The following SYT14 variants were observed in gnomAD, a reference collection of about 807,000 sequenced individuals.
SYT14 encodes the protein synaptotagmin 14.
A neutral mutation model predicts 74.2 loss-of-function variants in SYT14; 32 were observed. The ratio of observed to expected loss-of-function variants is 0.43; its 90% CI spans 0.33 to 0.58. The LOEUF (loss-of-function observed/expected upper bound fraction) is 0.58, where lower values mean the gene tolerates loss of function less well. SYT14 is among the 20% of genes least tolerant of loss of function. SYT14 has a pLI of 0.05. For synonymous variants in SYT14, 298 were observed against 337.7 expected (o/e 0.88, Z 1.29); for missense variants, 791 against 981.8 (o/e 0.81, Z 2.60).
intron 5 of SYT14, among the ~76,000 whole-genome samples, chr1:210,083,637 A>G (rs1361128657): frequency 6.7e-6 from 1 of 148,276 alleles, no homozygotes; most frequent in Admixed American, 6.8e-5. Flanking sequence ...TGGTGTGATC[A>G]TGGCTCACTG....
At chr1:210,072,875 A>G (rs1377153015) in intron 5 of SYT14, among the ~76,000 whole-genome samples, 2 of 152,002 alleles carry the variant, frequency 1.3e-5, no homozygotes, top group Non-Finnish European at 2.9e-5. Flanking sequence ...CTAAATTTAA[A>G]TTAGCAAAAC....
chr1:210,053,412 G>A (rs529233498), intron 5 of SYT14, among the ~76,000 whole-genome samples: 6 of 152,310 alleles, frequency 3.9e-5, no homozygotes, highest in African/African-American at 1.4e-4. Context: ...TAACTGATGG[G>A]CCAAGCAATT....
intron 2 of SYT14, among the ~76,000 whole-genome samples, chr1:209,989,407 T>C (rs1297216581): frequency 6.6e-6 from 1 of 152,200 alleles, no homozygotes; most frequent in African/African-American, 2.4e-5. Flanking sequence ...TGTAGGTTTA[T>C]GAATAAAAAG....
At chr1:210,171,284 CTG>C (rs1392250846) in exon 10 of SYT14, 1 of 152,124 alleles carries the variant, frequency 6.6e-6, no homozygotes, top group Non-Finnish European at 1.5e-5. Context: ...TGCTCTAAAA[CTG>C]AAAGAAATTA....
chr1:209,988,071 TG>T (rs940099150), intron 2 of SYT14, among the ~76,000 whole-genome samples: 1 of 152,212 alleles, frequency 6.6e-6, no homozygotes, highest in Non-Finnish European at 1.5e-5. Flanking sequence ...ATCTCTTTTG[TG>T]GGGACTTCAA....
chr1:209,970,330 G>A (rs1220089471), intron 2 of SYT14, among the ~76,000 whole-genome samples: 1 of 152,024 alleles, frequency 6.6e-6, no homozygotes, highest in African/African-American at 2.4e-5. Flanking sequence ...CCTTTCCCCA[G>A]TGTATGTTTT....
At chr1:210,050,597 G>T (rs1470971147) in intron 5 of SYT14, among the ~76,000 whole-genome samples, 2 of 152,202 alleles carry the variant, frequency 1.3e-5, no homozygotes, top group African/African-American at 2.4e-5. Flanking sequence ...AGACATACCT[G>T]AGACTGGACA....
At position 209,974,771 on chromosome 1, in the gene SYT14, A is replaced by G. The variant is rs370918788; in HGVS notation, c.-486+22015A>G. On this transcript the variant is annotated intron_variant, in intron 2 of 9. Coordinates refer to ENST00000637265, the Ensembl canonical transcript of SYT14. ...AAGAAAGTCATTGGTAGCTTGATGG[A>G]GATGGCATTGAATCTATAAATTACC... Among the ~76,000 whole-genome samples the G allele has an allele frequency of 5.9e-5, 9 of 152,180 alleles. No homozygotes were observed. In the East Asian group the frequency reaches 1.4e-3, roughly 23 times the overall value.
At chr1:210,131,702 T>A (rs2082677690) in intron 7 of SYT14, among the ~76,000 whole-genome samples, 1 of 152,162 alleles carries the variant, frequency 6.6e-6, no homozygotes, top group Non-Finnish European at 1.5e-5. Context: ...GTAGCTACCT[T>A]TTTCCATAGT....
chr1:209,989,730 A>G (rs1367051650), intron 2 of SYT14, among the ~76,000 whole-genome samples: 1 of 152,150 alleles, frequency 6.6e-6, no homozygotes, highest in East Asian at 1.9e-4. Context: ...TAGTATAGTT[A>G]TGTTAACTAG....
At chr1:210,101,074 A>C (rs954601638) in intron 7 of SYT14, among the ~76,000 whole-genome samples, 1 of 152,162 alleles carries the variant, frequency 6.6e-6, no homozygotes, top group African/African-American at 2.4e-5. Flanking sequence ...TTTGTCCTCC[A>C]GATGATAATC....
chr1:210,029,291 G>T (rs1099863), intron 5 of SYT14, among the ~76,000 whole-genome samples: 51,276 of 151,874 alleles, frequency 0.34, 9,720 homozygotes, highest in Non-Finnish European at 0.42. Context: ...TCCACTTTTT[G>T]TATTTTTTGT....
At chr1:210,041,300 G>A (rs909121176) in intron 5 of SYT14, among the ~76,000 whole-genome samples, 1 of 152,188 alleles carries the variant, frequency 6.6e-6, no homozygotes, top group Non-Finnish European at 1.5e-5. Flanking sequence ...TTCAGCAGGA[G>A]GGACTTATGG....
chr1:210,132,166 C>G (rs1231610027), intron 7 of SYT14, among the ~76,000 whole-genome samples: 1 of 145,100 alleles, frequency 6.9e-6, no homozygotes, highest in African/African-American at 2.6e-5. Flanking sequence ...CCCACCAAGG[C>G]TCTACACCCC....
intron 7 of SYT14, among the ~76,000 whole-genome samples, chr1:210,149,672 A>G (rs1195114847): frequency 1.3e-5 from 2 of 152,260 alleles, no homozygotes; most frequent in Non-Finnish European, 1.5e-5. Context: ...ATCATTTTCT[A>G]CTTCTATTGT....
intron 8 of SYT14, among the ~76,000 whole-genome samples, chr1:210,158,704 A>G (rs1307611262): frequency 3.3e-5 from 5 of 152,138 alleles, no homozygotes; most frequent in African/African-American, 1.2e-4. Context: ...CATTAGATAG[A>G]TCTTCAGTAT....
intron 2 of SYT14, among the ~76,000 whole-genome samples, chr1:209,995,351 A>G (rs2079769726): frequency 6.6e-6 from 1 of 152,226 alleles, no homozygotes; most frequent in Admixed American, 6.5e-5. Flanking sequence ...TATATCAGAT[A>G]AAACATATGT....
At chr1:210,168,023 C>T (rs114317213) in exon 10 of SYT14, 1,979 of 152,828 alleles carry the variant, frequency 0.013, 50 homozygotes, top group African/African-American at 0.045. Flanking sequence ...AAGAGCAAAG[C>T]GTAATACTCT....
chr1:209,987,513 T>A (rs886962944), intron 2 of SYT14, among the ~76,000 whole-genome samples: 1 of 152,114 alleles, frequency 6.6e-6, no homozygotes, highest in Non-Finnish European at 1.5e-5. Context: ...AACAATCAGA[T>A]CTTGTGAGTA....
Sources: allele counts gnomAD v4.1 joint callset (sites outside exome capture counted in the v4.1 genomes callset), GRCh38; gene constraint gnomAD v4.1.1; transcripts MANE v1.5; gene names NCBI Gene and HGNC (gene_info 2026-07-23, HGNC 2026-07-21).